Variants in PARN observed in about 807,000 individuals in gnomAD.
PARN encodes the protein poly(A)-specific ribonuclease PARN.
In PARN, 71 loss-of-function variants were observed where a neutral mutation model predicts 102.8. That is an observed-to-expected ratio of 0.69 (90% CI 0.57 to 0.84). PARN has a LOEUF of 0.84. PARN is among the 40% of genes least tolerant of loss of function. The probability of loss-of-function intolerance (pLI) is 0.00; values close to 1 mark genes in which losing one functional copy is unlikely to be tolerated. For missense variants in PARN, 782 were observed against 760.9 expected (o/e 1.03, Z -0.33); for synonymous variants, 261 against 252.9 (o/e 1.03, Z -0.30).
intron 22 of PARN, among the ~76,000 whole-genome samples, chr16:14,450,752 A>T (rs968973590): frequency 1.3e-5 from 2 of 152,196 alleles, no homozygotes; most frequent in Non-Finnish European, 2.9e-5. Flanking sequence ...TAAATTATAA[A>T]ATGAGTCTAA....
chr16:14,474,307 T>A (rs1962920023), intron 22 of PARN, among the ~76,000 whole-genome samples: 1 of 152,196 alleles, frequency 6.6e-6, no homozygotes, highest in East Asian at 1.9e-4. Flanking sequence ...GCTCAGCCAA[T>A]GATCTTTTTA....
At chr16:14,582,457 C>T (rs1261068716) in intron 16 of PARN, among the ~76,000 whole-genome samples, 166 bp from the exon 17 acceptor site, 2 of 152,068 alleles carry the variant, frequency 1.3e-5, no homozygotes, top group Non-Finnish European at 2.9e-5. Context: ...TACAAGATAA[C>T]AGAGTCACTG....
At chr16:14,528,828 G>C (rs1207295053) in intron 21 of PARN, among the ~76,000 whole-genome samples, 2 of 152,040 alleles carry the variant, frequency 1.3e-5, no homozygotes, top group Non-Finnish European at 1.5e-5. Flanking sequence ...AGATTGTTTG[G>C]ATATTTCAAC....
At chr16:14,529,544 A>G (rs1047663678) in intron 21 of PARN, among the ~76,000 whole-genome samples, 7 of 152,122 alleles carry the variant, frequency 4.6e-5, no homozygotes, top group African/African-American at 1.7e-4. Flanking sequence ...CTGACATTGA[A>G]GCCCACTGCG....
intron 13 of PARN, among the ~76,000 whole-genome samples, chr16:14,589,110 G>A (rs1283942995): frequency 6.7e-6 from 1 of 150,108 alleles, no homozygotes; most frequent in Non-Finnish European, 1.5e-5. Context: ...GATCCGGTAG[G>A]CAGAGGTTGC....
At chr16:14,569,161 G>A (rs1375896918) in intron 18 of PARN, among the ~76,000 whole-genome samples, 1 of 151,320 alleles carries the variant, frequency 6.6e-6, no homozygotes, top group Non-Finnish European at 1.5e-5. Context: ...GCAGTGAGAC[G>A]AGATCACGCC....
chr16:14,517,418 C>A (rs957915362), intron 21 of PARN, among the ~76,000 whole-genome samples: 1 of 152,180 alleles, frequency 6.6e-6, no homozygotes, highest in African/African-American at 2.4e-5. Context: ...GCTGAGACAC[C>A]AGAAGTGTGA....
rs371847982 is a variant in PARN, at chr16:14,436,681, C to T, written c.*36G>A. On this transcript the variant is annotated 3_prime_UTR_variant, in exon 24 of 24. Transcript: ENST00000437198. ...TGTGCCAGCCGGCTCTTGCTCACAG[C>T]GACAGCACCAGCGGTTTGCTGCCCT... is the stretch of plus-strand genomic sequence containing the variant. The T allele has an allele frequency of 1.8e-5, 28 of 1,513,730 alleles. No individual in the cohort carries two copies. The highest frequency in any genetic ancestry group is 1.2e-4 in the East Asian group (5 of 43,066). The allele number at this position is 1,513,730 out of a possible 1,614,324, so 93.8% of individuals were successfully genotyped here.
intron 14 of PARN, among the ~76,000 whole-genome samples, chr16:14,585,519 G>T (rs929636457): frequency 1.3e-5 from 2 of 152,088 alleles, no homozygotes; most frequent in East Asian, 3.8e-4. Context: ...CCACATGGCT[G>T]ACCTATGATG....
chr16:14,603,616 C>T (rs1309834612), intron 11 of PARN, among the ~76,000 whole-genome samples: 4 of 152,184 alleles, frequency 2.6e-5, no homozygotes, highest in Admixed American at 1.3e-4. Context: ...ATTCCATCTA[C>T]ACTGCTACTC....
At chr16:14,545,149 T>C (rs1567368676) in intron 21 of PARN, among the ~76,000 whole-genome samples, 1 of 152,188 alleles carries the variant, frequency 6.6e-6, no homozygotes, top group African/African-American at 2.4e-5. Context: ...GATCATACTC[T>C]GGCCTGGGTG....
chr16:14,456,662 T>C (rs1427515666), intron 22 of PARN, among the ~76,000 whole-genome samples: 1 of 152,120 alleles, frequency 6.6e-6, no homozygotes, highest in African/African-American at 2.4e-5. Context: ...AGAAACCTCA[T>C]CTTCAGGGTA....
chr16:14,530,576 C>T (rs1966271384), intron 21 of PARN, among the ~76,000 whole-genome samples: 1 of 151,896 alleles, frequency 6.6e-6, no homozygotes, highest in Non-Finnish European at 1.5e-5. Flanking sequence ...ATAAGACACA[C>T]TGACATTTTC....
chr16:14,569,456 G>A (rs1032865090), intron 18 of PARN, among the ~76,000 whole-genome samples: 11 of 152,082 alleles, frequency 7.2e-5, no homozygotes, highest in South Asian at 2.1e-4. Flanking sequence ...CAAATCTCCC[G>A]TCTGGTGGCA....
chr16:14,443,814 G>T (rs1230278105), intron 23 of PARN, among the ~76,000 whole-genome samples: 2 of 152,066 alleles, frequency 1.3e-5, no homozygotes, highest in East Asian at 3.9e-4. Flanking sequence ...TGCCAGTGCT[G>T]GGCCCCCAAG....
In PARN at chr16:14,608,312, T is replaced by C. The variant is rs1971317575; in HGVS notation, c.628A>G (p.Arg210Gly). The change falls in exon 9 of 24, where the codon AGA (arginine) becomes GGA (glycine). Residue 210 changes from arginine to glycine, a missense_variant. Transcript: ENST00000437198. ...LDLEPCTGFQRKLIYQTLSWK... is the reference protein window; with the variant it reads ...LDLEPCTGFQGKLIYQTLSWK... ...CTCAAAGTCTGATAAATTAGTTTTC[T>C]TTGGAACCTATAAAAACAAAAGAAA... The C allele has an allele frequency of 2.0e-6, 3 of 1,536,144 alleles. No homozygotes were observed. The highest frequency in any genetic ancestry group is 4.0e-5 in the Admixed American group (2 of 50,050).
At chr16:14,513,747 C>T (rs1339379248) in intron 21 of PARN, among the ~76,000 whole-genome samples, 1 of 152,196 alleles carries the variant, frequency 6.6e-6, no homozygotes. Context: ...TCACAAAGCT[C>T]TCACTGACCA....
At chr16:14,593,957 A>C (rs1228782744) in intron 12 of PARN, among the ~76,000 whole-genome samples, 1 of 151,952 alleles carries the variant, frequency 6.6e-6, no homozygotes, top group Non-Finnish European at 1.5e-5. Flanking sequence ...AGATTGCACC[A>C]CTGCACTCCA....
At chr16:14,490,386 C>T (rs557162306) in intron 21 of PARN, among the ~76,000 whole-genome samples, 1 of 152,256 alleles carries the variant, frequency 6.6e-6, no homozygotes, top group Admixed American at 6.5e-5. Context: ...GGAAGGCACC[C>T]GGTTTGTGTC....
Sources: allele counts gnomAD v4.1 joint callset (sites outside exome capture counted in the v4.1 genomes callset), GRCh38; gene constraint gnomAD v4.1.1; transcripts MANE v1.5; gene names NCBI Gene and HGNC (gene_info 2026-07-23, HGNC 2026-07-21).